Variants in SGSM1 observed in about 807,000 individuals in gnomAD.
SGSM1 encodes the protein RUN and TBC1 domain containing 2.
In SGSM1, 73 loss-of-function variants were observed where a neutral mutation model predicts 133.8. The ratio of observed to expected loss-of-function variants is 0.55; its 90% CI spans 0.45 to 0.66. The LOEUF (loss-of-function observed/expected upper bound fraction) is 0.66, where lower values mean the gene tolerates loss of function less well. Ranked by LOEUF, SGSM1 falls within the 30% of genes least tolerant of loss-of-function variation. The probability of loss-of-function intolerance (pLI) is 0.00; values close to 1 mark genes in which losing one functional copy is unlikely to be tolerated. For synonymous variants in SGSM1, 563 were observed against 573.0 expected, an observed-to-expected ratio of 0.98 and a Z score of 0.25; for missense variants, 1,213 against 1,448.1, an observed-to-expected ratio of 0.84 and a Z score of 2.64.
rs376819534 is a variant in SGSM1, at chr22:24,817,413, C to T, written c.63+10929C>T. On this transcript the variant is annotated intron_variant, in intron 2 of 24. Coordinates refer to ENST00000400358, the MANE Select transcript of SGSM1 (RefSeq NM_001098497.3). ...CTGTCGCCAGGCTGGAGTGCAGTGG[C>T]GCCATCTCGGCTCCCTGCAACCTCC... Among the ~76,000 whole-genome samples the T allele has an allele frequency of 2.6e-5, 4 of 151,252 alleles. No homozygotes were observed. The East Asian group carries it at 7.8e-4, about 29-fold the overall frequency.
chr22:24,841,739 T>C (rs762260172), intron 2 of SGSM1, among the ~76,000 whole-genome samples: 4 of 152,188 alleles, frequency 2.6e-5, no homozygotes, highest in Admixed American at 2.6e-4. Context: ...TTTGACTGAA[T>C]CTTTAGAAGT....
intron 22 of SGSM1, among the ~76,000 whole-genome samples, chr22:24,913,292 C>CAA (rs35021919): frequency 9.4e-4 from 91 of 96,918 alleles, no homozygotes; most frequent in African/African-American, 3.5e-3. Flanking sequence ...GACTCCATCT[C>CAA]AAAAAAAAAA....
At chr22:24,899,014 A>C (rs1461525398) in intron 19 of SGSM1, among the ~76,000 whole-genome samples, 1 of 115,854 alleles carries the variant, frequency 8.6e-6, no homozygotes, top group Non-Finnish European at 1.7e-5. Flanking sequence ...ACAACAGAGC[A>C]AGATCTCAAA....
At chr22:24,808,504 T>C (rs1307091426) in intron 2 of SGSM1, among the ~76,000 whole-genome samples, 3 of 152,182 alleles carry the variant, frequency 2.0e-5, no homozygotes, top group Admixed American at 6.5e-5. Flanking sequence ...CCTGCTGTCT[T>C]TTTGTTCGTG....
intron 2 of SGSM1, 135 bp downstream of exon 2, chr22:24,806,619 C>A: frequency 9.3e-7 from 1 of 1,070,088 alleles, no homozygotes; most frequent in South Asian, 1.8e-5. Context: ...CCTGGGTGGG[C>A]ATTGACCTCC....
Position 24,912,743 on chromosome 22 carries a change from G to C in SGSM1, c.2919G>C (p.Ser973=). ...ACACGCACTTTGCAAACATGAGATC[G>C]TTGATCCAGGTATGACCCAGCATCC... ...AMDTHFANMR[S]LIQILDSELF... The change falls in exon 22 of 25, where the codon TCG becomes TCC. Residue 973 remains serine, a synonymous_variant. Transcript: ENST00000400358. 6.2e-7 allele frequency: 1 copy of C among 1,610,338 alleles called. No individual in the cohort carries two copies. The highest frequency in any genetic ancestry group is 1.3e-5 in the African/African-American group (1 of 74,992).
At chr22:24,901,325 A>T (rs1464639231) in intron 19 of SGSM1, 1 of 152,066 alleles carries the variant, frequency 6.6e-6, no homozygotes, top group African/African-American at 2.4e-5. Flanking sequence ...CTCTTATTAG[A>T]TCTTCAACTT....
chr22:24,894,318 G>A (rs1034253968), intron 17 of SGSM1, among the ~76,000 whole-genome samples: 3 of 152,188 alleles, frequency 2.0e-5, no homozygotes, highest in Non-Finnish European at 4.4e-5. Context: ...ACTTAAACCC[G>A]GGAGGCGGAA....
intron 9 of SGSM1, 53 bp from the exon 10 acceptor site, chr22:24,867,040 G>T: frequency 6.3e-7 from 1 of 1,581,338 alleles, no homozygotes; most frequent in Non-Finnish European, 8.6e-7. Flanking sequence ...GAGCCCCTCC[G>T]CACAGTGGGG....
chr22:24,890,162 T>G (rs1462208091), intron 16 of SGSM1, among the ~76,000 whole-genome samples: 1 of 151,690 alleles, frequency 6.6e-6, no homozygotes, highest in African/African-American at 2.4e-5. Context: ...TTTACCGTGT[T>G]AGATAGGATG....
chr22:24,906,168 C>G (rs1202417416), intron 21 of SGSM1, among the ~76,000 whole-genome samples: 1 of 152,152 alleles, frequency 6.6e-6, no homozygotes, highest in Non-Finnish European at 1.5e-5. Flanking sequence ...AAAACCCACA[C>G]AATCATATCA....
At chr22:24,856,379 G>A (rs574740217) in intron 8 of SGSM1, among the ~76,000 whole-genome samples, 5 of 148,788 alleles carry the variant, frequency 3.4e-5, no homozygotes, top group South Asian at 2.1e-4. Context: ...AGGTGAAGGC[G>A]CCAAGACAGT....
At chr22:24,906,075 T>G (rs186917500) in intron 21 of SGSM1, among the ~76,000 whole-genome samples, 2 of 152,190 alleles carry the variant, frequency 1.3e-5, no homozygotes, top group East Asian at 3.9e-4. Context: ...CATGACCAAG[T>G]AGGGCTTATC....
At chr22:24,924,005 C>T (rs948833695) in intron 24 of SGSM1, among the ~76,000 whole-genome samples, 181 bp from the exon 25 acceptor site, 3 of 152,120 alleles carry the variant, frequency 2.0e-5, no homozygotes, top group Admixed American at 2.0e-4. Flanking sequence ...GGCTGCTGTT[C>T]CAATCCCCAT....
intron 2 of SGSM1, among the ~76,000 whole-genome samples, chr22:24,821,364 A>G (rs1928459963): frequency 6.6e-6 from 1 of 152,204 alleles, no homozygotes; most frequent in African/African-American, 2.4e-5. Flanking sequence ...GATGAAAACA[A>G]GAGGCTGTGT....
chr22:24,878,389 A>G (rs575555992), intron 13 of SGSM1, among the ~76,000 whole-genome samples: 2 of 152,300 alleles, frequency 1.3e-5, no homozygotes, highest in African/African-American at 2.4e-5. Flanking sequence ...ACAGCGGGAA[A>G]GCTGTTGATG....
intron 12 of SGSM1, 29 bp downstream of exon 12, chr22:24,868,884 A>C: frequency 6.2e-7 from 1 of 1,609,900 alleles, no homozygotes; most frequent in East Asian, 2.2e-5. Flanking sequence ...GGCCCCGGGG[A>C]GTCACCTGCT....
chr22:24,919,040 CTTTTTTTTTTT>C (rs143985087), intron 23 of SGSM1, among the ~76,000 whole-genome samples: 1 of 71,778 alleles, frequency 1.4e-5, no homozygotes, highest in African/African-American at 6.7e-5. Flanking sequence ...CACACCCGGC[CTTTTTTTTTTT>C]TTTTTTTTTT....
intron 2 of SGSM1, among the ~76,000 whole-genome samples, chr22:24,833,110 T>A (rs1216319113): frequency 6.6e-6 from 1 of 151,788 alleles, no homozygotes; most frequent in Non-Finnish European, 1.5e-5. Context: ...AATTTTTGTA[T>A]TTTTAGTAGA....
Sources: gnomAD v4.1 joint callset for allele counts (sites outside exome capture counted in the v4.1 genomes callset) on GRCh38, gnomAD v4.1.1 for gene constraint, MANE v1.5 for transcripts, NCBI Gene and HGNC (gene_info 2026-07-23, HGNC 2026-07-21) for gene names.